The following ITPRID1 variants were observed in gnomAD, a reference collection of about 807,000 sequenced individuals.
ITPRID1 encodes protein ITPRID1.
Under a neutral mutation model 95.4 loss-of-function variants are expected in ITPRID1, and 96 were observed. The observed-to-expected ratio is 1.01, with a 90% confidence interval of 0.85 to 1.19. The LOEUF (loss-of-function observed/expected upper bound fraction) is 1.19. Among genes scored for constraint, ITPRID1 ranks in the 50% most tolerant of loss-of-function variants. The probability of loss-of-function intolerance (pLI) is 0.00; values close to 1 mark genes in which losing one functional copy is unlikely to be tolerated. For missense variants in ITPRID1, 1,339 were observed against 1,252.9 expected, an observed-to-expected ratio of 1.07 and a Z score of -1.04; for synonymous variants, 510 against 453.6, an observed-to-expected ratio of 1.12 and a Z score of -1.58.
At chr7:31,547,905 C>T (rs1784153025) in intron 1 of ITPRID1, among the ~76,000 whole-genome samples, 1 of 152,008 alleles carries the variant, frequency 6.6e-6, no homozygotes, top group African/African-American at 2.4e-5. Flanking sequence ...AACTCACAGG[C>T]TGGACCAGAT....
chr7:31,606,577 A>C (rs1433459851), intron 10 of ITPRID1, among the ~76,000 whole-genome samples: 1 of 152,200 alleles, frequency 6.6e-6, no homozygotes, highest in Admixed American at 6.5e-5. Flanking sequence ...AGTACCATAG[A>C]TTGCTTTTGA....
At chr7:31,608,191 ATCTC>A (rs1024098130) in intron 10 of ITPRID1, among the ~76,000 whole-genome samples, 24 of 152,074 alleles carry the variant, frequency 1.6e-4, no homozygotes, top group Non-Finnish European at 2.8e-4. Flanking sequence ...CTTATTTCTA[ATCTC>A]TCTAAGTTCT....
chr7:31,532,577 A>C (rs1019303554), intron 1 of ITPRID1, among the ~76,000 whole-genome samples: 1 of 152,170 alleles, frequency 6.6e-6, no homozygotes, highest in Non-Finnish European at 1.5e-5. Flanking sequence ...AATGTTGTCA[A>C]ATTCCTTTTC....
intron 13 of ITPRID1, 105 bp downstream of exon 13, chr7:31,651,374 G>A: frequency 7.7e-7 from 1 of 1,294,368 alleles, no homozygotes; most frequent in South Asian, 1.9e-5. Flanking sequence ...GAGCTAATGA[G>A]AAACCGGCCA....
Position 31,651,229 on chromosome 7 carries a change from C to T in ITPRID1, c.2671C>T (p.Gln891Ter), listed in dbSNP as rs748416695. The T allele has an allele frequency of 1.9e-6, 3 of 1,613,556 alleles. No individual in the cohort carries two copies. The highest frequency in any genetic ancestry group is 2.5e-6 in the Non-Finnish European group (3 of 1,179,612). ...AGAAATTGAACAGCACCTTATGGGACAGCAGGCCCTCTTTTCCAGGGACAT... is the reference window on the plus strand; with the variant it reads ...AGAAATTGAACAGCACCTTATGGGATAGCAGGCCCTCTTTTCCAGGGACAT... ...LEEIEQHLMGQQALFSRDMSE... is the reference protein window; with the variant it reads ...LEEIEQHLMG Residue 891 changes from glutamine (Q) to a stop codon, truncating the protein, a stop_gained, in exon 13 of 15, where the codon CAG (glutamine) becomes TAG (stop). Coordinates refer to ENST00000615280, the MANE Select transcript of ITPRID1 (RefSeq NM_001257967.3). LOFTEE classifies it high-confidence loss of function.
At chr7:31,582,204 G>C (rs1785428912) in intron 9 of ITPRID1, among the ~76,000 whole-genome samples, 1 of 152,126 alleles carries the variant, frequency 6.6e-6, no homozygotes, top group Non-Finnish European at 1.5e-5. Flanking sequence ...GAATTGTTAA[G>C]TAAACTAATG....
chr7:31,621,885 G>A (rs554561892), intron 10 of ITPRID1, among the ~76,000 whole-genome samples: 11 of 151,798 alleles, frequency 7.2e-5, no homozygotes, highest in African/African-American at 2.7e-4. Flanking sequence ...AGACACATAG[G>A]CTCAAAATAA....
At chr7:31,536,395 T>G (rs2128131655) in intron 1 of ITPRID1, among the ~76,000 whole-genome samples, 1 of 152,266 alleles carries the variant, frequency 6.6e-6, no homozygotes, top group South Asian at 2.1e-4. Context: ...TCAGCTAGAT[T>G]CATTAGCTTA....
intron 9 of ITPRID1, among the ~76,000 whole-genome samples, chr7:31,582,226 A>G (rs1785429570): frequency 1.3e-5 from 2 of 152,242 alleles, no homozygotes; most frequent in Non-Finnish European, 2.9e-5. Flanking sequence ...ACTTCCTGAG[A>G]ACAGCCTACT....
intron 10 of ITPRID1, among the ~76,000 whole-genome samples, chr7:31,619,719 C>CG (rs1286976358): frequency 1.2e-4 from 19 of 152,056 alleles, no homozygotes; most frequent in African/African-American, 2.4e-5. Flanking sequence ...TCTGAGGTAC[C>CG]AGTTCCATCT....
intron 10 of ITPRID1, among the ~76,000 whole-genome samples, chr7:31,615,716 C>CTAA (rs1787140956): frequency 6.6e-6 from 1 of 151,502 alleles, no homozygotes; most frequent in East Asian, 1.9e-4. Flanking sequence ...CAATTGAAGG[C>CTAA]TAATACCAGT....
intron 1 of ITPRID1, among the ~76,000 whole-genome samples, chr7:31,545,975 A>G (rs1784083474): frequency 6.6e-6 from 1 of 152,106 alleles, no homozygotes. Flanking sequence ...GGAGTATTTT[A>G]TTATTATTAT....
chr7:31,648,056 CA>C (rs1293738912), intron 12 of ITPRID1, among the ~76,000 whole-genome samples: 1 of 151,166 alleles, frequency 6.6e-6, no homozygotes, highest in Non-Finnish European at 1.5e-5. Context: ...AGTGTTAATT[CA>C]AAAAAAATTC....
At chr7:31,529,594 C>T (rs1783529001) in intron 1 of ITPRID1, 2 of 556,826 alleles carry the variant, frequency 3.6e-6, no homozygotes, top group African/African-American at 3.8e-5. Flanking sequence ...TTACCCTCAA[C>T]TTGACCATGG....
chr7:31,547,570 C>A (rs1412730198), intron 1 of ITPRID1, among the ~76,000 whole-genome samples: 1 of 152,118 alleles, frequency 6.6e-6, no homozygotes. Flanking sequence ...CGGGTCCTTC[C>A]CTCGATATGG....
Position 31,599,645 on chromosome 7 carries a change from CTTTTTCTTTCTTTCCTT to C in ITPRID1, c.1228+16456_1228+16472del, listed in dbSNP as rs1562598874. Reference sequence around the variant, plus strand: ...TCTTTCTTTCTTTCTTTCTTTCTTTCTTTTTCTTTCTTTCCTTTCTCTCTCTCTCTCTCTCTCTCTCT... The same window carrying C: ...TCTTTCTTTCTTTCTTTCTTTCTTTCTCTCTCTCTCTCTCTCTCTCTCTCT... On this transcript the variant is annotated intron_variant, in intron 10 of 14. Coordinates refer to ENST00000615280, the MANE Select transcript of ITPRID1 (RefSeq NM_001257967.3). 5.3e-4 allele frequency among the ~76,000 whole-genome samples: 24 copies of C among 44,880 alleles called. 1 individual carries two copies. Among genetic ancestry groups the C allele is most frequent in the East Asian group, 1.1e-3 (1 of 928 alleles). 29.4% of individuals were successfully genotyped at this position (44,880 alleles called of 152,430 possible). A position where few individuals can be genotyped will look rare whatever the true frequency, so the allele number is the denominator to read the frequency against.
chr7:31,516,813 C>T (rs963318044), intron 1 of ITPRID1, among the ~76,000 whole-genome samples: 2 of 152,092 alleles, frequency 1.3e-5, no homozygotes, highest in African/African-American at 4.8e-5. Flanking sequence ...GATATTGTGG[C>T]CAGAAGTGGT....
intron 10 of ITPRID1, among the ~76,000 whole-genome samples, chr7:31,597,294 C>T (rs1296260504): frequency 3.9e-5 from 6 of 151,932 alleles, no homozygotes; most frequent in Admixed American, 2.6e-4. Context: ...AGAAAAACAA[C>T]TCAATAAGGT....
chr7:31,620,102 G>A (rs4585646), intron 10 of ITPRID1, among the ~76,000 whole-genome samples: 55 of 152,150 alleles, frequency 3.6e-4, no homozygotes, highest in African/African-American at 1.2e-3. Flanking sequence ...CAAAGCAGCC[G>A]GGAAGCTCCA....
Sources: gnomAD v4.1 joint callset for allele counts (sites outside exome capture counted in the v4.1 genomes callset) on GRCh38, gnomAD v4.1.1 for gene constraint, MANE v1.5 for transcripts, NCBI Gene and HGNC (gene_info 2026-07-23, HGNC 2026-07-21) for gene names.